The following LTBP4 variants were observed in gnomAD, a reference collection of about 807,000 sequenced individuals.
LTBP4 encodes latent transforming growth factor beta binding protein 4.
In LTBP4, 93 loss-of-function variants were observed where a neutral mutation model predicts 180.2. The ratio of observed to expected loss-of-function variants is 0.52; its 90% CI spans 0.44 to 0.61. The LOEUF is 0.61. LTBP4 is among the 20% of genes least tolerant of loss of function. The pLI is 0.00. For synonymous variants in LTBP4, 947 were observed against 934.5 expected, an observed-to-expected ratio of 1.01 and a Z score of -0.24; for missense variants, 2,116 against 2,256.5, an observed-to-expected ratio of 0.94 and a Z score of 1.26.
intron 29 of LTBP4, among the ~76,000 whole-genome samples, chr19:40,628,905 A>G (rs982223278): frequency 9.3e-5 from 14 of 150,544 alleles, no homozygotes; most frequent in African/African-American, 3.2e-4. Flanking sequence ...GCTGGAGTGC[A>G]GTGGCCTGAT....
upstream of LTBP4, among the ~76,000 whole-genome samples, chr19:40,598,188 T>C (rs1436047281): frequency 1.4e-5 from 2 of 145,800 alleles, no homozygotes; most frequent in South Asian, 2.4e-4. Context: ...CCTGGGTCTC[T>C]GCGAATGCGT....
intron 22 of LTBP4, among the ~76,000 whole-genome samples, chr19:40,621,885 T>C (rs1038344653): frequency 5.3e-5 from 8 of 152,118 alleles, no homozygotes; most frequent in Non-Finnish European, 8.8e-5. Context: ...GTAGCTGGGA[T>C]TACAGGCATG....
At chr19:40,594,289 G>A (rs1344716526) in intron 1 of LTBP4, among the ~76,000 whole-genome samples, 1 of 151,810 alleles carries the variant, frequency 6.6e-6, no homozygotes, top group African/African-American at 2.4e-5. Context: ...GGAATGCGGG[G>A]GGACTAGAAC....
At chr19:40,595,079 A>T (rs1378473129) in intron 1 of LTBP4, among the ~76,000 whole-genome samples, 1 of 152,024 alleles carries the variant, frequency 6.6e-6, no homozygotes, top group Non-Finnish European at 1.5e-5. Flanking sequence ...GAAGCTTAAG[A>T]ATCCAACTGC....
chr19:40,617,129 T>G lies in LTBP4; in HGVS notation c.2974T>G (p.Cys992Gly). The G allele has an allele frequency of 6.2e-7, 1 of 1,613,998 alleles. No homozygotes were observed. The highest frequency in any genetic ancestry group is 1.3e-5 in the African/African-American group (1 of 75,044). ...DVDECRNRSF[C>G]GAHAVCQNLP... Reference sequence around the variant, plus strand: ...GGACGAATGCCGGAACCGGTCCTTCTGCGGTGCCCACGCCGTGTGCCAGAA... The same window carrying G: ...GGACGAATGCCGGAACCGGTCCTTCGGCGGTGCCCACGCCGTGTGCCAGAA... Residue 992 changes from cysteine to glycine, a missense_variant, in exon 21 of 30, where the codon TGC becomes GGC. By Grantham distance (159) the Cys-to-Gly change is radical (BLOSUM62 -3). Transcript: ENST00000396819.
At chr19:40,604,723 G>A (rs2081446524) in intron 1 of LTBP4, among the ~76,000 whole-genome samples, 1 of 152,134 alleles carries the variant, frequency 6.6e-6, no homozygotes, top group South Asian at 2.1e-4. Context: ...CACGCCTGTC[G>A]TCTCAGCTAC....
Position 40,622,280 on chromosome 19 carries a change from C to T in LTBP4, c.3218-121C>T. 1 of 1,115,410 alleles carries T rather than the reference C, an allele frequency of 9.0e-7. No homozygotes were observed. The highest frequency in any genetic ancestry group is 1.2e-6 in the Non-Finnish European group (1 of 800,832). The allele number at this position is 1,115,410 out of a possible 1,614,324, so 69.1% of individuals were successfully genotyped here. On this transcript the variant is annotated intron_variant, in intron 22 of 29. Transcript: ENST00000396819. This position sits in a 1 kb window ranked among gnomAD's most constrained non-coding sequence, Gnocchi z 5.1. ...AGCGTGAGAGGTGTGGAGTCTGGTT[C>T]TGCCACTGATGGCTGCCACCCTCTG... is the stretch of plus-strand genomic sequence containing the variant.
chr19:40,597,403 C>T (rs1486928024), upstream of LTBP4: 20 of 1,494,772 alleles, frequency 1.3e-5, no homozygotes, highest in Non-Finnish European at 1.7e-5. Flanking sequence ...CTTCCTTGTG[C>T]CCCTTCCACC....
chr19:40,597,362 T>A, upstream of LTBP4: 1 of 1,515,772 alleles, frequency 6.6e-7, no homozygotes, highest in Non-Finnish European at 8.8e-7. Flanking sequence ...GTCCCGGGGG[T>A]CCCCAGCCGC....
upstream of LTBP4, chr19:40,597,360 G>A: frequency 2.0e-6 from 3 of 1,520,464 alleles, no homozygotes; most frequent in Non-Finnish European, 2.6e-6. Context: ...AGGTCCCGGG[G>A]GTCCCCAGCC....
At position 40,629,754 on chromosome 19, in the gene LTBP4, C is replaced by T; in HGVS notation, c.*204C>T. On this transcript the variant is annotated 3_prime_UTR_variant, in exon 30 of 30. Transcript: ENST00000396819. This position sits in a 1 kb window ranked among gnomAD's most constrained non-coding sequence, Gnocchi z 4.5. ...TGATGTCGTGGTCCCGGGCCTGGCC[C>T]AGGGGCCCCTTTACATGCCCTCTCC... 4.7e-6 allele frequency: 2 copies of T among 421,120 alleles called. No homozygotes were observed. Among genetic ancestry groups the T allele is most frequent in the African/African-American group, 2.1e-5 (1 of 47,874 alleles). The allele number at this position is 421,120 out of a possible 1,614,324, so 26.1% of individuals were successfully genotyped here.
In LTBP4 at chr19:40,617,140, C is replaced by A. The variant is rs566212619; in HGVS notation, c.2985C>A (p.His995Gln). The A allele has an allele frequency of 6.2e-7, 1 of 1,613,876 alleles. No homozygotes were observed. Among genetic ancestry groups the A allele is most frequent in the Non-Finnish European group, 8.5e-7 (1 of 1,179,894 alleles). Residue 995 changes from histidine (H) to glutamine (Q), a missense_variant, in exon 21 of 30, where the codon CAC becomes CAA. Around this residue, in one of 5 missense-constraint regions of LTBP4, gnomAD observed 278 missense variants for 373.0 expected, o/e 0.75. Transcript: ENST00000396819. ...GGAACCGGTCCTTCTGCGGTGCCCA[C>A]GCCGTGTGCCAGAACCTGCCCGGCT... The part of the protein sequence containing the change: ...ECRNRSFCGA[H>Q]AVCQNLPGSF...
intron 19 of LTBP4, 30 bp downstream of exon 19, chr19:40,614,476 C>A: frequency 6.3e-7 from 1 of 1,588,892 alleles, no homozygotes; most frequent in Non-Finnish European, 8.5e-7. Context: ...CCTTCGCTAG[C>A]GCTTGCAACG....
In LTBP4 at chr19:40,594,217, A is replaced by T. The variant is rs527459222; in HGVS notation, c.16+1036A>T. Reference sequence around the variant, plus strand: ...ATGCTAGAGATAGTATTATCCTAGTATAGTATTAACTCTGTGTGTTTTTGT... The same window carrying T: ...ATGCTAGAGATAGTATTATCCTAGTTTAGTATTAACTCTGTGTGTTTTTGT... On this transcript the variant is annotated intron_variant, in intron 1 of 32. Transcript: ENST00000204005. 6.0e-5 allele frequency among the ~76,000 whole-genome samples: 9 copies of T among 150,640 alleles called. No individual in the cohort carries two copies. The South Asian group carries it at 1.0e-3, about 18-fold the overall frequency.
intron 29 of LTBP4, among the ~76,000 whole-genome samples, chr19:40,628,369 T>G (rs1173200592): frequency 1.3e-5 from 2 of 152,070 alleles, no homozygotes; most frequent in Non-Finnish European, 2.9e-5. Context: ...TGAAACCCCG[T>G]CTCTAAAAAT....
chr19:40,623,052 T>C, intron 24 of LTBP4, 31 bp downstream of exon 24: 1 of 1,560,684 alleles, frequency 6.4e-7, no homozygotes, highest in Non-Finnish European at 8.7e-7. Context: ...TCCACCCCAC[T>C]CAGCTCTGAG....
chr19:40,625,316 A>AT (rs1162232222), intron 26 of LTBP4, among the ~76,000 whole-genome samples: 7 of 21,932 alleles, frequency 3.2e-4, no homozygotes, highest in Middle Eastern at 0.026. Context: ...ATATATATAT[A>AT]TTTTTTTTTT....
intron 19 of LTBP4, among the ~76,000 whole-genome samples, 172 bp from the exon 20 acceptor site, chr19:40,616,717 G>A (rs1273591639): frequency 6.6e-6 from 1 of 152,222 alleles, no homozygotes; most frequent in Admixed American, 6.5e-5. Flanking sequence ...GTGAAAGAGC[G>A]AGACTCCGTC....
Position 40,627,867 on chromosome 19 carries a change from G to A in LTBP4, c.4519+10G>A. 1 of 1,555,228 alleles carries A rather than the reference G, an allele frequency of 6.4e-7. No homozygotes were observed. The highest frequency in any genetic ancestry group is 8.6e-7 in the Non-Finnish European group (1 of 1,156,642). ...CGCATGGCCTGCGTTGGTGAGGGCG[G>A]GCCCGGGGCCAGCATGCGCAGGGAG... On this transcript the variant is annotated intron_variant, in intron 29 of 29. Transcript: ENST00000396819.
Sources: gnomAD v4.1 joint callset for allele counts (sites outside exome capture counted in the v4.1 genomes callset) on GRCh38, gnomAD v4.1.1 for gene constraint, gnomAD v4.1.1 regional missense constraint, Gnocchi (gnomAD v3.1) non-coding constraint, MANE v1.5 for transcripts, NCBI Gene and HGNC (gene_info 2026-07-23, HGNC 2026-07-21) for gene names.